Variants in GRIA2 observed in about 807,000 individuals in gnomAD.
GRIA2 encodes the protein glutamate receptor 2.
A neutral mutation model predicts 97.3 loss-of-function variants in GRIA2; 14 were observed. The ratio of observed to expected loss-of-function variants is 0.14; its 90% CI spans 0.10 to 0.23. GRIA2 has a LOEUF of 0.23. GRIA2 is among the 10% of genes least tolerant of loss of function. The pLI is 1.00. For missense variants in GRIA2, 558 were observed against 1,069.8 expected (o/e 0.52, Z 6.67); for synonymous variants, 412 against 387.8 (o/e 1.06, Z -0.73).
At chr4:157,334,552 C>G (rs919527343) in intron 9 of GRIA2, 1 of 155,338 alleles carries the variant, frequency 6.4e-6, no homozygotes, top group Admixed American at 6.3e-5. Flanking sequence ...GATTATTTCC[C>G]TTGTTTTTAC....
At chr4:157,296,064 C>T (rs926161464) in intron 2 of GRIA2, among the ~76,000 whole-genome samples, 12 of 152,078 alleles carry the variant, frequency 7.9e-5, no homozygotes, top group East Asian at 1.9e-4. Context: ...TTGCAGCTTG[C>T]GCTGTGTACT....
chr4:157,334,253 T>A (rs1240632304), intron 9 of GRIA2, 133 bp downstream of exon 9: 4 of 607,714 alleles, frequency 6.6e-6, no homozygotes, highest in Non-Finnish European at 1.2e-5. Flanking sequence ...TTATTTCATA[T>A]TTACTCTGTT....
At chr4:157,258,774 C>T (rs971915295) in intron 2 of GRIA2, among the ~76,000 whole-genome samples, 1 of 152,002 alleles carries the variant, frequency 6.6e-6, no homozygotes, top group Admixed American at 6.6e-5. Flanking sequence ...AAAATTTCTC[C>T]CTTTTCTACT....
chr4:157,362,702 A>C (rs1484506289), intron 14 of GRIA2, 97 bp from the exon 15 acceptor site: 2 of 996,022 alleles, frequency 2.0e-6, no homozygotes, highest in African/African-American at 3.2e-5. Context: ...ATTCTGTGTG[A>C]CTAGGTTGTT....
chr4:157,276,953 A>T (rs992730528), intron 2 of GRIA2, among the ~76,000 whole-genome samples: 1 of 151,974 alleles, frequency 6.6e-6, no homozygotes, highest in Non-Finnish European at 1.5e-5. Flanking sequence ...CCAGGCCCAG[A>T]TAAGTTTACT....
At chr4:157,221,867 T>TGTGTGTGTGCGTTTCTGGGGTG in intron 2 of GRIA2, 60 bp downstream of exon 2, 1 of 1,487,984 alleles carries the variant, frequency 6.7e-7, no homozygotes, top group Non-Finnish European at 9.3e-7. Flanking sequence ...CGAGTGTGAG[T>TGTGTGTGTGCGTTTCTGGGGTG]GTGTGTGTGC....
intron 2 of GRIA2, among the ~76,000 whole-genome samples, chr4:157,244,888 C>A (rs1730661416): frequency 6.6e-6 from 1 of 151,798 alleles, no homozygotes; most frequent in Admixed American, 6.6e-5. Context: ...GTAGCTATGT[C>A]TTTGATTACA....
At chr4:157,274,547 G>A (rs1732193678) in intron 2 of GRIA2, among the ~76,000 whole-genome samples, 1 of 135,572 alleles carries the variant, frequency 7.4e-6, no homozygotes, top group Non-Finnish European at 1.5e-5. Context: ...GCCCCGGTGT[G>A]TGATGTTCCC....
intron 2 of GRIA2, among the ~76,000 whole-genome samples, chr4:157,225,576 C>T (rs1729706032): frequency 6.6e-6 from 1 of 151,726 alleles, no homozygotes; most frequent in African/African-American, 2.4e-5. Context: ...TTAGTGAGTG[C>T]CTTCAAGGTG....
At chr4:157,346,710 T>A (rs1404055519) in intron 12 of GRIA2, among the ~76,000 whole-genome samples, 1 of 152,166 alleles carries the variant, frequency 6.6e-6, no homozygotes, top group Non-Finnish European at 1.5e-5. Context: ...CGTATACATA[T>A]GTTGCAAGTC....
intron 2 of GRIA2, among the ~76,000 whole-genome samples, chr4:157,224,344 A>G (rs926942881): frequency 1.3e-5 from 2 of 152,206 alleles, no homozygotes; most frequent in African/African-American, 4.8e-5. Context: ...AAGTAATCTT[A>G]CTGTTTGCTA....
intron 13 of GRIA2, 151 bp from the exon 14 acceptor site, chr4:157,360,859 C>T: frequency 1.5e-6 from 1 of 682,882 alleles, no homozygotes; most frequent in Admixed American, 2.4e-5. Context: ...TTTAGTAGCT[C>T]ATAGTAACAT....
intron 2 of GRIA2, among the ~76,000 whole-genome samples, chr4:157,295,345 AG>A (rs1423935077): frequency 1.3e-5 from 2 of 152,170 alleles, no homozygotes; most frequent in African/African-American, 4.8e-5. Context: ...CGTATGCAAA[AG>A]AGAAGTAATT....
intron 2 of GRIA2, among the ~76,000 whole-genome samples, chr4:157,276,641 A>T (rs994302987): frequency 2.0e-5 from 3 of 151,838 alleles, no homozygotes; most frequent in Non-Finnish European, 4.4e-5. Flanking sequence ...CAGCTTCTAG[A>T]CAGGTTAACT....
chr4:157,360,291 T>A, intron 13 of GRIA2, 148 bp downstream of exon 13: 1 of 736,224 alleles, frequency 1.4e-6, no homozygotes, highest in Non-Finnish European at 2.2e-6. Context: ...TGAATGTTTT[T>A]AAACATTTAG....
At chr4:157,300,424 G>A in intron 2 of GRIA2, among the ~76,000 whole-genome samples, 1 of 152,094 alleles carries the variant, frequency 6.6e-6, no homozygotes, top group African/African-American at 2.4e-5. Flanking sequence ...GTTTAGGTAA[G>A]CATTCTGATG....
At position 157,303,437 on chromosome 4, in the gene GRIA2, C is replaced by A. The variant is rs1201108790; in HGVS notation, c.230-115C>A. 8.8e-6 allele frequency: 7 copies of A among 792,736 alleles called. 1 individual carries two copies. Among genetic ancestry groups the A allele is most frequent in the Non-Finnish European group, 1.2e-5 (6 of 494,280 alleles). The allele number at this position is 792,736 out of a possible 1,614,324, so 49.1% of individuals were successfully genotyped here. On this transcript the variant is annotated intron_variant, in intron 2 of 15. Coordinates refer to ENST00000264426, the MANE Select transcript of GRIA2 (RefSeq NM_001083619.3). ...ACAATGGATCATTAAATCTATATTT[C>A]TTTCAATATGTTAATTTTGTATTTT...
At chr4:157,246,862 T>C (rs2126729411) in intron 2 of GRIA2, among the ~76,000 whole-genome samples, 1 of 152,288 alleles carries the variant, frequency 6.6e-6, no homozygotes, top group South Asian at 2.1e-4. Flanking sequence ...GATACACATG[T>C]ATTAAATGTA....
At chr4:157,352,177 A>G (rs932431995) in intron 12 of GRIA2, among the ~76,000 whole-genome samples, 4 of 152,108 alleles carry the variant, frequency 2.6e-5, no homozygotes, top group Non-Finnish European at 5.9e-5. Context: ...TTTTATTTTT[A>G]CCAAAACATT....
Sources: gnomAD v4.1 joint callset for allele counts (sites outside exome capture counted in the v4.1 genomes callset) on GRCh38, gnomAD v4.1.1 for gene constraint, MANE v1.5 for transcripts, NCBI Gene and HGNC (gene_info 2026-07-23, HGNC 2026-07-21) for gene names.